The following MACROD2 variants were observed in gnomAD, a reference collection of about 807,000 sequenced individuals.
MACROD2 encodes the protein ADP-ribose glycohydrolase MACROD2.
Under a neutral mutation model 70.4 loss-of-function variants are expected in MACROD2, and 36 were observed. The ratio of observed to expected loss-of-function variants is 0.51; its 90% confidence interval spans 0.39 to 0.68. The LOEUF (loss-of-function observed/expected upper bound fraction) is 0.68. Among genes scored for constraint, MACROD2 ranks in the 30% least tolerant of loss-of-function variants. MACROD2 has a pLI of 0.00. For missense variants in MACROD2, 496 were observed against 538.4 expected, an observed-to-expected ratio of 0.92 and a Z score of 0.78; for synonymous variants, 172 against 178.8, an observed-to-expected ratio of 0.96 and a Z score of 0.30.
chr20:15,706,634 T>C (rs1468146518), intron 8 of MACROD2, among the ~76,000 whole-genome samples: 1 of 152,208 alleles, frequency 6.6e-6, no homozygotes. Flanking sequence ...TGCTTTGTAT[T>C]ACAGATGAGG....
intron 6 of MACROD2, among the ~76,000 whole-genome samples, chr20:15,354,860 T>G (rs2078268667): frequency 6.6e-6 from 1 of 152,156 alleles, no homozygotes; most frequent in Non-Finnish European, 1.5e-5. Flanking sequence ...GAATATAAAG[T>G]TGTATCTGTA....
At chr20:15,563,298 A>G (rs1055393971) in intron 8 of MACROD2, among the ~76,000 whole-genome samples, 7 of 152,260 alleles carry the variant, frequency 4.6e-5, no homozygotes, top group Middle Eastern at 3.4e-3. Context: ...CCTCCTTCTT[A>G]TGAAAGACTT....
At chr20:14,951,018 T>C (rs920833436) in intron 5 of MACROD2, among the ~76,000 whole-genome samples, 1 of 152,132 alleles carries the variant, frequency 6.6e-6, no homozygotes, top group African/African-American at 2.4e-5. Context: ...GCTTAATATG[T>C]AGAGAACCAA....
chr20:14,469,803 T>C (rs1388202885), intron 3 of MACROD2, among the ~76,000 whole-genome samples: 5 of 152,038 alleles, frequency 3.3e-5, no homozygotes, highest in African/African-American at 1.2e-4. Flanking sequence ...TTCTCTAAAC[T>C]GGTTATTCTA....
At chr20:14,024,700 C>G (rs1352782050) in intron 2 of MACROD2, among the ~76,000 whole-genome samples, 2 of 152,140 alleles carry the variant, frequency 1.3e-5, no homozygotes, top group African/African-American at 2.4e-5. Flanking sequence ...GTTGAACCAG[C>G]CTTGCATCAC....
At chr20:15,793,335 T>C (rs1194702194) in intron 8 of MACROD2, among the ~76,000 whole-genome samples, 1 of 152,112 alleles carries the variant, frequency 6.6e-6, no homozygotes, top group Non-Finnish European at 1.5e-5. Context: ...TTTCTAACAG[T>C]TTCCCAGGTG....
intron 5 of MACROD2, among the ~76,000 whole-genome samples, chr20:15,072,456 A>C (rs1471089750): frequency 6.6e-6 from 1 of 152,194 alleles, no homozygotes; most frequent in East Asian, 1.9e-4. Flanking sequence ...GGGTGAACCA[A>C]ATGAATAAAA....
At chr20:14,768,343 C>T (rs1423255544) in intron 5 of MACROD2, among the ~76,000 whole-genome samples, 7 of 151,996 alleles carry the variant, frequency 4.6e-5, no homozygotes, top group African/African-American at 7.3e-5. Context: ...AATTTACTTT[C>T]TAGGGTTGCT....
chr20:15,026,644 A>T (rs2075234104), intron 5 of MACROD2, among the ~76,000 whole-genome samples: 1 of 152,078 alleles, frequency 6.6e-6, no homozygotes, highest in Non-Finnish European at 1.5e-5. Context: ...CTGAGTATTT[A>T]CTTATTTATG....
At chr20:14,240,566 A>G (rs138467084) in intron 3 of MACROD2, among the ~76,000 whole-genome samples, 1 of 152,190 alleles carries the variant, frequency 6.6e-6, no homozygotes, top group Non-Finnish European at 1.5e-5. Flanking sequence ...GGAGTTCAGT[A>G]TCCTAAGCAA....
chr20:16,015,334 T>G (rs767247011), intron 15 of MACROD2, among the ~76,000 whole-genome samples: 25 of 152,120 alleles, frequency 1.6e-4, no homozygotes, highest in Non-Finnish European at 3.1e-4. Context: ...TTTTTCCATC[T>G]CTGTAGAAAA....
chr20:15,741,146 C>T (rs944418084), intron 8 of MACROD2, among the ~76,000 whole-genome samples: 1 of 143,428 alleles, frequency 7.0e-6, no homozygotes, highest in East Asian at 2.1e-4. Flanking sequence ...GGCTGGAGTG[C>T]AGTGGCGCAA....
intron 6 of MACROD2, among the ~76,000 whole-genome samples, chr20:15,277,216 A>G (rs1600185544): frequency 6.6e-6 from 1 of 152,310 alleles, no homozygotes; most frequent in East Asian, 1.9e-4. Context: ...CTGGTAGAAG[A>G]CATACAGTTT....
chr20:15,870,164 A>G lies in MACROD2; in HGVS notation c.727+7338A>G, dbSNP rs151195920. 4.1e-3 allele frequency among the ~76,000 whole-genome samples: 630 copies of G among 151,976 alleles called. 3 individuals carry two copies. Among genetic ancestry groups the G allele is most frequent in the African/African-American group, 0.015 (607 of 41,476 alleles). On this transcript the variant is annotated intron_variant, in intron 9 of 17. Transcript: ENST00000684519. ...AATATATCTTTCGTTTATTTTCCCA[A>G]TCATGAATTTCTGCCATTTATTTCT...
intron 5 of MACROD2, among the ~76,000 whole-genome samples, chr20:15,168,847 T>C (rs532100990): frequency 3.3e-5 from 5 of 152,104 alleles, no homozygotes; most frequent in Non-Finnish European, 7.4e-5. Context: ...AATTCTGATA[T>C]ATGCTAGAAC....
rs74489661 is a variant in MACROD2 at position 15,773,980 on chromosome 20, T to A, written c.646-88765T>A. ...AATGTCTTCCATCAAAGAAAAGCAATATTGATATACATTTGCACATAGTAA... is the reference window on the plus strand; with the variant it reads ...AATGTCTTCCATCAAAGAAAAGCAAAATTGATATACATTTGCACATAGTAA... On this transcript the variant is annotated intron_variant, in intron 8 of 17. Transcript: ENST00000684519. 1.6e-3 allele frequency among the ~76,000 whole-genome samples: 244 copies of A among 152,280 alleles called. 3 individuals carry two copies. The East Asian group carries it at 0.035, about 22-fold the overall frequency.
intron 8 of MACROD2, among the ~76,000 whole-genome samples, chr20:15,593,620 G>T (rs1471414868): frequency 2.0e-5 from 3 of 152,180 alleles, no homozygotes; most frequent in Non-Finnish European, 4.4e-5. Flanking sequence ...TGCAGACTTT[G>T]TTGGAATAAT....
intron 2 of MACROD2, among the ~76,000 whole-genome samples, chr20:14,017,874 C>A (rs1045568355): frequency 6.6e-6 from 1 of 152,036 alleles, no homozygotes; most frequent in South Asian, 2.1e-4. Flanking sequence ...GGTGTTAATT[C>A]TTCCTTAGAT....
intron 4 of MACROD2, among the ~76,000 whole-genome samples, chr20:14,518,777 G>A (rs1420793259): frequency 6.6e-6 from 1 of 152,128 alleles, no homozygotes; most frequent in East Asian, 1.9e-4. Flanking sequence ...TAAGACTAAA[G>A]TGTTTATATC....
Sources: allele counts gnomAD v4.1 joint callset (sites outside exome capture counted in the v4.1 genomes callset), GRCh38; gene constraint gnomAD v4.1.1; transcripts MANE v1.5; gene names NCBI Gene and HGNC (gene_info 2026-07-23, HGNC 2026-07-21).